RSRC1: variants seen among roughly 807,000 people sequenced by gnomAD.
RSRC1 encodes serine/Arginine-related protein 53.
In RSRC1, 39 loss-of-function variants were observed where a neutral mutation model predicts 49.1. The observed-to-expected ratio is 0.79, with a 90% CI of 0.61 to 1.04. RSRC1 has a LOEUF of 1.04. Among genes scored for constraint, RSRC1 ranks in the 50% least tolerant of loss-of-function variants. The pLI is 0.00. For missense variants in RSRC1, 388 were observed against 402.4 expected (o/e 0.96, Z 0.31); for synonymous variants, 143 against 130.8 (o/e 1.09, Z -0.63).
At chr3:158,492,338 C>T (rs1047847086) in intron 7 of RSRC1, among the ~76,000 whole-genome samples, 1 of 152,184 alleles carries the variant, frequency 6.6e-6, no homozygotes, top group Non-Finnish European at 1.5e-5. Context: ...TTAATCTGAG[C>T]TTTTCCTAAG....
chr3:158,339,030 C>T (rs1308222359), intron 5 of RSRC1, among the ~76,000 whole-genome samples: 1 of 152,102 alleles, frequency 6.6e-6, no homozygotes, highest in Non-Finnish European at 1.5e-5. Context: ...CGGTGGCTCA[C>T]GCCTGTAATC....
chr3:158,267,178 C>G (rs1199405702), intron 4 of RSRC1, among the ~76,000 whole-genome samples: 1 of 152,116 alleles, frequency 6.6e-6, no homozygotes, highest in Non-Finnish European at 1.5e-5. Flanking sequence ...CCAATGCCTT[C>G]TGGCTTTCAT....
chr3:158,525,677 A>G (rs1195430403), intron 7 of RSRC1, among the ~76,000 whole-genome samples: 1 of 152,028 alleles, frequency 6.6e-6, no homozygotes, highest in Non-Finnish European at 1.5e-5. Context: ...GCAGGTGAAT[A>G]GATTTTAAAA....
In RSRC1 at chr3:158,545,193, C is replaced by CTTTTTTTT. The variant is rs58161840; in HGVS notation, c.*937_*944dup. 162 of 74,614 alleles carry CTTTTTTTT rather than the reference C, an allele frequency of 2.2e-3. 13 individuals carry two copies. The highest frequency in any genetic ancestry group is 2.5e-3 in the Non-Finnish European group (92 of 37,260). The allele number at this position is 74,614 out of a possible 1,614,324, so 4.6% of individuals were successfully genotyped here. On this transcript the variant is annotated 3_prime_UTR_variant, in exon 10 of 10. Coordinates refer to ENST00000611884, the MANE Select transcript of RSRC1 (RefSeq NM_001271838.2). ...CATGAATATTTCCCGTTTCTATTTT[C>CTTTTTTTT]TTTTTTTTTTTTTTTTTTTTTTTTT...
chr3:158,423,667 C>T (rs1177577156), intron 6 of RSRC1, among the ~76,000 whole-genome samples: 2 of 152,104 alleles, frequency 1.3e-5, no homozygotes, highest in Non-Finnish European at 2.9e-5. Flanking sequence ...TTACCTTGGG[C>T]AGTATGGCCA....
chr3:158,440,267 A>G (rs772515079), intron 6 of RSRC1, among the ~76,000 whole-genome samples: 1 of 152,034 alleles, frequency 6.6e-6, no homozygotes, highest in Non-Finnish European at 1.5e-5. Context: ...CACTTGGTGA[A>G]GGATCTCGTA....
chr3:158,132,406 G>C (rs1357265471), intron 3 of RSRC1: 1 of 154,388 alleles, frequency 6.5e-6, no homozygotes, highest in Non-Finnish European at 1.4e-5. Flanking sequence ...ATTTCTCCAT[G>C]CTTTTATCTG....
intron 4 of RSRC1, 61 bp from the exon 5 acceptor site, chr3:158,297,977 TA>T: frequency 8.4e-7 from 1 of 1,193,070 alleles, no homozygotes; most frequent in Non-Finnish European, 1.2e-6. Context: ...ATTTTTGAGG[TA>T]AACAAATTAG....
Position 158,245,726 on chromosome 3 carries a change from A to G in RSRC1, c.494+42481A>G, listed in dbSNP as rs142870248. On this transcript the variant is annotated intron_variant, in intron 4 of 9. Coordinates refer to ENST00000611884, the MANE Select transcript of RSRC1 (RefSeq NM_001271838.2). ...TCCTGCATTGGGTGCATATGTATGTAGGATAGTTAGCTCTTTTTGTTAATT... is the reference window on the plus strand; with the variant it reads ...TCCTGCATTGGGTGCATATGTATGTGGGATAGTTAGCTCTTTTTGTTAATT... Among the ~76,000 whole-genome samples, 28 of 152,290 alleles carry G rather than the reference A, an allele frequency of 1.8e-4. No individual in the cohort carries two copies. The East Asian group carries it at 3.1e-3, about 17-fold the overall frequency.
At position 158,545,414 on chromosome 3, in the gene RSRC1, G is replaced by A. The variant is rs1713291144; in HGVS notation, c.*1139G>A. On this transcript the variant is annotated 3_prime_UTR_variant, in exon 10 of 10. Transcript: ENST00000611884. ...GATGGGGTTTCACCATTTTAGCCAG[G>A]ATGGTCTATTTTCTTCTGTTGTCCA... 1 of 151,708 alleles carries A rather than the reference G, an allele frequency of 6.6e-6. No individual in the cohort carries two copies. Among genetic ancestry groups the A allele is most frequent in the South Asian group, 2.1e-4 (1 of 4,788 alleles). 9.4% of individuals were successfully genotyped at this position (151,708 alleles called of 1,614,324 possible).
At chr3:158,320,291 A>G (rs1053910983) in intron 5 of RSRC1, among the ~76,000 whole-genome samples, 1 of 152,170 alleles carries the variant, frequency 6.6e-6, no homozygotes, top group Non-Finnish European at 1.5e-5. Flanking sequence ...TCCATACACA[A>G]ATTTTCTAAT....
chr3:158,353,422 T>C lies in RSRC1; in HGVS notation c.532-1435T>C, dbSNP rs533239855. Among the ~76,000 whole-genome samples, 28 of 152,336 alleles carry C rather than the reference T, an allele frequency of 1.8e-4. No homozygotes were observed. In the East Asian group the frequency reaches 3.1e-3, roughly 17 times the overall value. On this transcript the variant is annotated intron_variant, in intron 5 of 9. Transcript: ENST00000611884. ...GATTCCTGCTACAAATAATGAACTC[T>C]TATTGTTGAGTTGATCACAAAAGCC...
chr3:158,155,536 G>T (rs931073651), intron 3 of RSRC1, among the ~76,000 whole-genome samples: 9 of 151,574 alleles, frequency 5.9e-5, no homozygotes, highest in African/African-American at 1.9e-4. Flanking sequence ...TCAGGCTGAA[G>T]TGATCCCACC....
chr3:158,274,320 T>A (rs1007711000), intron 4 of RSRC1, among the ~76,000 whole-genome samples: 2 of 152,076 alleles, frequency 1.3e-5, no homozygotes, highest in Non-Finnish European at 2.9e-5. Context: ...GAAAAAGCCA[T>A]TTTTCTCCAG....
chr3:158,401,741 A>G (rs1298735796), intron 6 of RSRC1, among the ~76,000 whole-genome samples: 2 of 152,078 alleles, frequency 1.3e-5, no homozygotes, highest in African/African-American at 4.8e-5. Context: ...TATAATAAAT[A>G]GAGATACAGA....
chr3:158,349,843 G>A (rs1730767948), intron 5 of RSRC1, among the ~76,000 whole-genome samples: 2 of 151,444 alleles, frequency 1.3e-5, no homozygotes, highest in South Asian at 2.1e-4. Flanking sequence ...GATTACAGGC[G>A]TGTGCCACCA....
chr3:158,266,996 T>A (rs1400852868), intron 4 of RSRC1, among the ~76,000 whole-genome samples: 1 of 152,178 alleles, frequency 6.6e-6, no homozygotes, highest in African/African-American at 2.4e-5. Context: ...ACCCCTGAGC[T>A]CAAGTGATCC....
At chr3:158,486,133 G>GTT (rs1273180328) in intron 7 of RSRC1, among the ~76,000 whole-genome samples, 1 of 152,022 alleles carries the variant, frequency 6.6e-6, no homozygotes, top group African/African-American at 2.4e-5. Flanking sequence ...CTAAGAAAAT[G>GTT]CAAATATATT....
At chr3:158,518,045 T>G (rs1740670875) in intron 7 of RSRC1, among the ~76,000 whole-genome samples, 1 of 147,956 alleles carries the variant, frequency 6.8e-6, no homozygotes, top group Non-Finnish European at 1.5e-5. Context: ...TTTATACAAT[T>G]TGATTTCATT....
Sources: gnomAD v4.1 joint callset for allele counts (sites outside exome capture counted in the v4.1 genomes callset) on GRCh38, gnomAD v4.1.1 for gene constraint, MANE v1.5 for transcripts, NCBI Gene and HGNC (gene_info 2026-07-23, HGNC 2026-07-21) for gene names.